The following CSRNP3 variants were observed in gnomAD, a reference collection of about 807,000 sequenced individuals.
The protein encoded by CSRNP3 is cysteine and serine rich nuclear protein 3.
In CSRNP3, 12 loss-of-function variants were observed where a neutral mutation model predicts 48.0. The observed-to-expected ratio is 0.25, with a 90% CI of 0.16 to 0.41. The LOEUF is 0.41. Among genes scored for constraint, CSRNP3 ranks in the 10% least tolerant of loss-of-function variants. The probability of loss-of-function intolerance (pLI) is 1.00; values close to 1 mark genes in which losing one functional copy is unlikely to be tolerated. For missense variants in CSRNP3, 580 were observed against 724.4 expected (o/e 0.80, Z 2.29); for synonymous variants, 263 against 269.7 (o/e 0.98, Z 0.24).
intron 3 of CSRNP3, among the ~76,000 whole-genome samples, chr2:165,549,197 T>C (rs1395475143): frequency 6.6e-6 from 1 of 152,060 alleles, no homozygotes; most frequent in Non-Finnish European, 1.5e-5. Context: ...ATTTATAATC[T>C]GTGATAATAG....
intron 3 of CSRNP3, among the ~76,000 whole-genome samples, chr2:165,548,332 C>A (rs1270573065): frequency 6.6e-6 from 1 of 152,068 alleles, no homozygotes; most frequent in East Asian, 1.9e-4. Context: ...TATTTCATCT[C>A]TCCTCAGTCT....
At chr2:165,656,724 G>A (rs1292253937) in intron 4 of CSRNP3, among the ~76,000 whole-genome samples, 8 of 152,150 alleles carry the variant, frequency 5.3e-5, no homozygotes, top group Non-Finnish European at 1.0e-4. Flanking sequence ...GTGCCAGTGA[G>A]CCTTTTTGTG....
rs1156903948 is a variant in CSRNP3 at position 165,489,973 on chromosome 2, A to T, written c.-282-4786A>T. On this transcript the variant is annotated intron_variant, in intron 1 of 6. Coordinates refer to ENST00000651982, the MANE Select transcript of CSRNP3 (RefSeq NM_001172173.2). ...GGCAATCAGGCAGGAGAAGAAAATA[A>T]AAGGTATTCAATTAGGAAAAGAGGA... Among the ~76,000 whole-genome samples, 6 of 152,070 alleles carry T rather than the reference A, an allele frequency of 3.9e-5. No individual in the cohort carries two copies. In the East Asian group the frequency reaches 5.8e-4, roughly 15 times the overall value.
At chr2:165,588,893 T>C (rs1008847284) in intron 3 of CSRNP3, among the ~76,000 whole-genome samples, 1 of 152,128 alleles carries the variant, frequency 6.6e-6, no homozygotes, top group African/African-American at 2.4e-5. Context: ...GCTCAGGAGG[T>C]TGAGGCTACA....
chr2:165,544,205 G>A (rs1684994442), intron 3 of CSRNP3, among the ~76,000 whole-genome samples: 1 of 152,024 alleles, frequency 6.6e-6, no homozygotes, highest in African/African-American at 2.4e-5. Context: ...GAAAGAAATT[G>A]AGCAGGTAGC....
chr2:165,580,208 A>T (rs1685520458), intron 3 of CSRNP3, among the ~76,000 whole-genome samples: 2 of 152,246 alleles, frequency 1.3e-5, no homozygotes, highest in Admixed American at 6.5e-5. Context: ...TTAAAGGGTG[A>T]ATCTCCTCTA....
intron 3 of CSRNP3, among the ~76,000 whole-genome samples, chr2:165,531,979 G>A (rs1477231767): frequency 3.3e-5 from 5 of 152,066 alleles, no homozygotes; most frequent in East Asian, 1.9e-4. Flanking sequence ...TAAATTCCTC[G>A]ACACATACAT....
intron 5 of CSRNP3, among the ~76,000 whole-genome samples, chr2:165,669,992 GA>G (rs1687302558): frequency 2.0e-5 from 3 of 152,190 alleles, no homozygotes; most frequent in Admixed American, 6.5e-5. Flanking sequence ...AAATGGCAAA[GA>G]AGAATTTCTC....
At chr2:165,672,282 A>C (rs1484052927) in intron 5 of CSRNP3, among the ~76,000 whole-genome samples, 1 of 152,152 alleles carries the variant, frequency 6.6e-6, no homozygotes, top group South Asian at 2.1e-4. Context: ...GTCTGTTCTC[A>C]TGCTGTTGGC....
chr2:165,548,153 T>TC (rs1685055308), intron 3 of CSRNP3, among the ~76,000 whole-genome samples: 1 of 152,090 alleles, frequency 6.6e-6, no homozygotes, highest in Non-Finnish European at 1.5e-5. Flanking sequence ...CTTTTGGCAT[T>TC]CAGAACCATT....
chr2:165,574,328 G>C lies in CSRNP3; in HGVS notation c.-23-20715G>C, dbSNP rs750241160. The C allele has an allele frequency of 7.2e-6, 11 of 1,532,360 alleles. No homozygotes were observed. The South Asian group carries it at 1.3e-4, about 18-fold the overall frequency. The allele number at this position is 1,532,360 out of a possible 1,614,324, so 94.9% of individuals were successfully genotyped here. A position where few individuals can be genotyped will look rare whatever the true frequency, so the allele number is the denominator to read the frequency against. ...AGTTGCCTGAAAAAAATGTACTGGG[G>C]TTCTCTGCAGCAGTGTTTTGCAGCA... On this transcript the variant is annotated intron_variant, in intron 3 of 6. Transcript: ENST00000651982.
chr2:165,603,104 C>T (rs1179068541), intron 4 of CSRNP3, among the ~76,000 whole-genome samples: 2 of 152,054 alleles, frequency 1.3e-5, no homozygotes, highest in African/African-American at 4.8e-5. Context: ...ACCGTGTTAG[C>T]CAGGATGGTC....
chr2:165,490,685 A>T (rs1396216243), intron 1 of CSRNP3, among the ~76,000 whole-genome samples: 2 of 134,958 alleles, frequency 1.5e-5, no homozygotes, highest in African/African-American at 5.6e-5. Context: ...CCTGAGAAAA[A>T]CAAGCAATGG....
At position 165,573,875 on chromosome 2, in the gene CSRNP3, G is replaced by C. The variant is rs184002510; in HGVS notation, c.-23-21168G>C. On this transcript the variant is annotated intron_variant, in intron 3 of 6. Transcript: ENST00000651982. ...AAAAAGCTGTGTTTCAAAAACAAGG[G>C]AAGTTAATGAAAATTTAAAATTGGC... Among the ~76,000 whole-genome samples, 331 of 152,156 alleles carry C rather than the reference G, an allele frequency of 2.2e-3. 1 individual carries two copies. Among genetic ancestry groups the C allele is most frequent in the African/African-American group, 7.4e-3 (306 of 41,522 alleles).
intron 4 of CSRNP3, among the ~76,000 whole-genome samples, chr2:165,604,293 C>A (rs147173914): frequency 0.015 from 2,213 of 152,270 alleles, 26 homozygotes; most frequent in South Asian, 0.024. Context: ...ACTGTGTATA[C>A]TTCTTGCTAC....
intron 4 of CSRNP3, among the ~76,000 whole-genome samples, chr2:165,600,887 A>T (rs1204618924): frequency 6.6e-6 from 1 of 152,234 alleles, no homozygotes. Flanking sequence ...TGTCATTACA[A>T]ATACAGAAAT....
intron 5 of CSRNP3, among the ~76,000 whole-genome samples, chr2:165,666,197 G>C (rs1687195984): frequency 2.1e-5 from 3 of 139,538 alleles, no homozygotes; most frequent in African/African-American, 2.6e-5. Flanking sequence ...GGAGGAAAGA[G>C]AGAGAGGAAG....
intron 4 of CSRNP3, among the ~76,000 whole-genome samples, chr2:165,627,568 G>A (rs1308644445): frequency 1.3e-5 from 2 of 151,988 alleles, no homozygotes; most frequent in African/African-American, 4.8e-5. Context: ...TCTCGTCATT[G>A]CATCCATTCT....
intron 4 of CSRNP3, among the ~76,000 whole-genome samples, chr2:165,644,356 T>C (rs1315893479): frequency 2.0e-5 from 3 of 152,164 alleles, no homozygotes; most frequent in Non-Finnish European, 4.4e-5. Flanking sequence ...AAGAAAGACA[T>C]GTTGAGCATG....
Sources: gnomAD v4.1 joint callset for allele counts (sites outside exome capture counted in the v4.1 genomes callset) on GRCh38, gnomAD v4.1.1 for gene constraint, MANE v1.5 for transcripts, NCBI Gene and HGNC (gene_info 2026-07-23, HGNC 2026-07-21) for gene names.